The following EXOC4 variants were observed in gnomAD, a reference collection of about 807,000 sequenced individuals.
The protein encoded by EXOC4 is SEC8-like 1.
In EXOC4, 71 loss-of-function variants were observed where a neutral mutation model predicts 107.2. The observed-to-expected ratio is 0.66, with a 90% CI of 0.55 to 0.81. EXOC4 has a LOEUF of 0.81. Ranked by LOEUF, EXOC4 falls within the 30% of genes least tolerant of loss-of-function variation. The pLI is 0.00. For synonymous variants in EXOC4, 456 were observed against 441.2 expected, an observed-to-expected ratio of 1.03 and a Z score of -0.42; for missense variants, 1,108 against 1,189.6, an observed-to-expected ratio of 0.93 and a Z score of 1.01.
chr7:133,596,580 T>G (rs1801680325), intron 9 of EXOC4, among the ~76,000 whole-genome samples: 1 of 152,192 alleles, frequency 6.6e-6, no homozygotes, highest in African/African-American at 2.4e-5. Context: ...GGCTCCCCCA[T>G]AAGTGCAACA....
intron 9 of EXOC4, among the ~76,000 whole-genome samples, chr7:133,600,579 A>C (rs1801783105): frequency 6.6e-6 from 1 of 152,226 alleles, no homozygotes; most frequent in Non-Finnish European, 1.5e-5. Context: ...AATAATTAGA[A>C]AATCATTCAG....
In EXOC4 at chr7:133,289,012, C is replaced by G. The variant is rs570665431; in HGVS notation, c.367C>G (p.His123Asp). The G allele has an allele frequency of 1.4e-5, 22 of 1,614,192 alleles. No individual in the cohort carries two copies. The South Asian group carries it at 2.1e-4, about 15-fold the overall frequency. Reference protein sequence around the residue: ...KLWIEGIEHKHVLNLLDEIEN... With the variant: ...KLWIEGIEHKDVLNLLDEIEN... ...GTGGATTGAAGGAATTGAGCATAAG[C>G]ATGTCCTGAACTTGTTGGATGAAAT... Residue 123 changes from histidine to aspartate, a missense_variant, in exon 3 of 18, where the codon CAT (histidine) becomes GAT (aspartate). Transcript: ENST00000253861.
chr7:133,435,528 C>G (rs545105040), intron 7 of EXOC4, among the ~76,000 whole-genome samples: 2 of 152,274 alleles, frequency 1.3e-5, no homozygotes, highest in African/African-American at 4.8e-5. Flanking sequence ...GAATTCTCAG[C>G]TATGGATTGT....
chr7:133,333,224 TA>T (rs1795434878), intron 5 of EXOC4, among the ~76,000 whole-genome samples: 1 of 152,236 alleles, frequency 6.6e-6, no homozygotes, highest in African/African-American at 2.4e-5. Context: ...CTATGACTTG[TA>T]ATCAGGTACT....
At chr7:134,098,778 C>T in the EXOC4 span, among the ~76,000 whole-genome samples, 1 of 152,138 alleles carries the variant, frequency 6.6e-6, no homozygotes, top group Non-Finnish European at 1.5e-5. Flanking sequence ...CCTCCATCTT[C>T]CAAGAGAGAT....
chr7:133,975,654 C>A (rs1793814802), intron 14 of EXOC4, among the ~76,000 whole-genome samples: 1 of 151,638 alleles, frequency 6.6e-6, no homozygotes, highest in African/African-American at 2.4e-5. Flanking sequence ...GGAGATTATA[C>A]AATATAACAT....
intron 9 of EXOC4, among the ~76,000 whole-genome samples, chr7:133,530,137 G>A (rs941547761): frequency 6.6e-6 from 1 of 152,176 alleles, no homozygotes; most frequent in South Asian, 2.1e-4. Context: ...CAATCACTAC[G>A]CTACACTGCC....
At chr7:133,928,014 G>A (rs1160315703) in intron 13 of EXOC4, among the ~76,000 whole-genome samples, 1 of 152,176 alleles carries the variant, frequency 6.6e-6, no homozygotes, top group Non-Finnish European at 1.5e-5. Context: ...ATTAATGCTA[G>A]TGTATTTGGA....
At chr7:133,629,491 A>G (rs1214252667) in intron 9 of EXOC4, among the ~76,000 whole-genome samples, 1 of 151,938 alleles carries the variant, frequency 6.6e-6, no homozygotes, top group African/African-American at 2.4e-5. Context: ...CTGTGAGTCC[A>G]TGTTCTTACT....
chr7:133,451,488 A>T (rs931283975), intron 7 of EXOC4, among the ~76,000 whole-genome samples: 1 of 104,102 alleles, frequency 9.6e-6, no homozygotes, highest in African/African-American at 4.1e-5. Flanking sequence ...ATAATTTACT[A>T]ATATTTTATT....
intron 10 of EXOC4, chr7:133,727,303 A>C (rs763504726): frequency 6.4e-6 from 1 of 157,148 alleles, no homozygotes; most frequent in Non-Finnish European, 1.5e-5. Flanking sequence ...TGCAATGGCT[A>C]ATCTTTATGA....
At chr7:133,945,119 G>A (rs558187949) in intron 14 of EXOC4, among the ~76,000 whole-genome samples, 48 of 152,274 alleles carry the variant, frequency 3.2e-4, no homozygotes, top group African/African-American at 1.1e-3. Flanking sequence ...CTGATGTAGA[G>A]ATTTTGATGT....
chr7:133,259,760 A>G (rs1457655304), intron 1 of EXOC4, among the ~76,000 whole-genome samples: 1 of 152,286 alleles, frequency 6.6e-6, no homozygotes, highest in African/African-American at 2.4e-5. Flanking sequence ...TCCCTTTTCT[A>G]TGTGAATGTA....
At chr7:133,422,133 T>C (rs1031863540) in intron 7 of EXOC4, among the ~76,000 whole-genome samples, 1 of 152,198 alleles carries the variant, frequency 6.6e-6, no homozygotes, top group Non-Finnish European at 1.5e-5. Context: ...CTGACATGCT[T>C]TTGGGCCCAT....
At chr7:133,977,738 T>TGTTTTGTG (rs1554429809) in intron 14 of EXOC4, among the ~76,000 whole-genome samples, 3 of 88,196 alleles carry the variant, frequency 3.4e-5, no homozygotes, top group African/African-American at 1.6e-4. Flanking sequence ...TTTTGTTGTT[T>TGTTTTGTG]TGTGTGTGTG....
chr7:133,422,886 A>C (rs1415301414), intron 7 of EXOC4, among the ~76,000 whole-genome samples: 1 of 152,278 alleles, frequency 6.6e-6, no homozygotes, highest in East Asian at 1.9e-4. Context: ...AAAGGGAAAG[A>C]ATCTCATGTT....
At chr7:133,588,536 T>C (rs1190147400) in intron 9 of EXOC4, among the ~76,000 whole-genome samples, 1 of 152,178 alleles carries the variant, frequency 6.6e-6, no homozygotes, top group Non-Finnish European at 1.5e-5. Context: ...AAAAGGGAAA[T>C]GAAGACTTAC....
At chr7:133,427,181 G>A (rs532814480) in intron 7 of EXOC4, among the ~76,000 whole-genome samples, 9 of 152,020 alleles carry the variant, frequency 5.9e-5, no homozygotes, top group Non-Finnish European at 8.8e-5. Flanking sequence ...CATAAGCTAG[G>A]GGATGAGTGT....
At chr7:133,329,477 G>A (rs1455150636) in intron 5 of EXOC4, among the ~76,000 whole-genome samples, 3 of 152,292 alleles carry the variant, frequency 2.0e-5, no homozygotes, top group Non-Finnish European at 2.9e-5. Context: ...CTGCTGAGGA[G>A]TTGTGATCCT....
Sources: allele counts gnomAD v4.1 joint callset (sites outside exome capture counted in the v4.1 genomes callset), GRCh38; gene constraint gnomAD v4.1.1; transcripts MANE v1.5; gene names NCBI Gene and HGNC (gene_info 2026-07-23, HGNC 2026-07-21).